Variants in TDRD9 observed in about 807,000 individuals in gnomAD.
TDRD9 encodes the protein tudor domain containing 9.
Under a neutral mutation model 172.6 loss-of-function variants are expected in TDRD9, and 124 were observed. The observed-to-expected ratio is 0.72, with a 90% confidence interval of 0.62 to 0.83. The LOEUF (loss-of-function observed/expected upper bound fraction) is 0.83, where lower values mean the gene tolerates loss of function less well. Among genes scored for constraint, TDRD9 ranks in the 40% least tolerant of loss-of-function variants. The pLI, the probability that TDRD9 is intolerant of heterozygous loss-of-function variation, is 0.00. For missense variants in TDRD9, 1,479 were observed against 1,714.1 expected (o/e 0.86, Z 2.42); for synonymous variants, 619 against 617.1 (o/e 1.00, Z -0.05).
intron 13 of TDRD9, among the ~76,000 whole-genome samples, chr14:104,000,470 C>CT (rs1440943100): frequency 1.3e-5 from 2 of 151,566 alleles, no homozygotes; most frequent in Non-Finnish European, 2.9e-5. Flanking sequence ...CTCAAACTTT[C>CT]TAAAAAACTA....
rs11850415 is a variant in TDRD9, at chr14:103,944,670, A to G, written c.216-10994A>G. Among the ~76,000 whole-genome samples, 493 of 148,586 alleles carry G rather than the reference A, an allele frequency of 3.3e-3. 2 individuals carry two copies. Among genetic ancestry groups the G allele is most frequent in the African/African-American group, 0.012 (464 of 40,188 alleles). ...AACCTCTGCCTCCTGAGTTCAAGTGATTCTTGTGCCTCAGCCTCCCTCGTA... is the reference window on the plus strand; with the variant it reads ...AACCTCTGCCTCCTGAGTTCAAGTGGTTCTTGTGCCTCAGCCTCCCTCGTA... On this transcript the variant is annotated intron_variant, in intron 1 of 35. Transcript: ENST00000409874.
chr14:104,036,703 A>G (rs976675549), intron 32 of TDRD9, among the ~76,000 whole-genome samples: 1 of 152,240 alleles, frequency 6.6e-6, no homozygotes, highest in Non-Finnish European at 1.5e-5. Context: ...TTGGTATTTA[A>G]AACACCATCT....
At chr14:103,941,456 T>G (rs1289704636) in intron 1 of TDRD9, 3 of 1,535,444 alleles carry the variant, frequency 2.0e-6, no homozygotes, top group Admixed American at 3.9e-5. Context: ...CTTCAAGTTG[T>G]CTTTGTTCAG....
At chr14:104,007,969 T>C (rs181577525) in intron 19 of TDRD9, among the ~76,000 whole-genome samples, 2 of 152,116 alleles carry the variant, frequency 1.3e-5, no homozygotes, top group African/African-American at 4.8e-5. Context: ...TTAGTAGAGA[T>C]GGGGTTTCAC....
At chr14:103,941,747 T>C in intron 1 of TDRD9, 1 of 1,310,562 alleles carries the variant, frequency 7.6e-7, no homozygotes, top group Non-Finnish European at 1.0e-6. Context: ...AATGTTATGT[T>C]CTTCTGAGCA....
intron 29 of TDRD9, among the ~76,000 whole-genome samples, 200 bp downstream of exon 29, chr14:104,031,463 G>A (rs1416150815): frequency 7.4e-6 from 1 of 134,914 alleles, no homozygotes; most frequent in Admixed American, 7.6e-5. Context: ...GAGAAGCTTT[G>A]ACTAGTTTTT....
At chr14:104,024,390 G>A (rs1019132147) in intron 24 of TDRD9, among the ~76,000 whole-genome samples, 179 bp from the exon 25 acceptor site, 2 of 152,092 alleles carry the variant, frequency 1.3e-5, no homozygotes, top group Non-Finnish European at 2.9e-5. Flanking sequence ...TCTTCAAAAA[G>A]CCAGCAGAAA....
rs1266748375 is a variant in TDRD9, at chr14:103,966,815, A to G, written c.749A>G (p.His250Arg). ...GCCAAGAGTTTGATGGAATTCACACATATCATCATTGATGAAGTAAGTGAT... is the reference window on the plus strand; with the variant it reads ...GCCAAGAGTTTGATGGAATTCACACGTATCATCATTGATGAAGTAAGTGAT... ...VSAKSLMEFT[H>R]IIIDEVHERT... Residue 250 changes from histidine (H) to arginine (R), a missense_variant, in exon 5 of 36, where the codon CAT becomes CGT. Around this residue, in one of 3 missense-constraint regions of TDRD9, gnomAD observed 1,413 missense variants for 1,649.1 expected, o/e 0.86. Transcript: ENST00000409874. 6.5e-7 allele frequency: 1 copy of G among 1,550,136 alleles called. No individual in the cohort carries two copies. Among genetic ancestry groups the G allele is most frequent in the Non-Finnish European group, 8.7e-7 (1 of 1,146,356 alleles).
Position 103,997,405 on chromosome 14 carries a change from T to C in TDRD9, c.1379-1219T>C, listed in dbSNP as rs2034095339. ...CACATTTGGTCGGCCTCTAGACATG[T>C]GGCCTGAGAGACTGGGAGGATGGAG... On this transcript the variant is annotated intron_variant, in intron 12 of 35. Coordinates refer to ENST00000409874, the MANE Select transcript of TDRD9 (RefSeq NM_153046.3). The surrounding 1 kb of genome is among the most constrained non-coding windows in gnomAD (Gnocchi z 5.1). Among the ~76,000 whole-genome samples the C allele has an allele frequency of 6.6e-6, 1 of 152,170 alleles. No individual in the cohort carries two copies. Among genetic ancestry groups the C allele is most frequent in the South Asian group, 2.1e-4 (1 of 4,826 alleles).
At chr14:103,987,259 G>A (rs185146817) in intron 8 of TDRD9, among the ~76,000 whole-genome samples, 168 of 152,184 alleles carry the variant, frequency 1.1e-3, no homozygotes, top group Middle Eastern at 3.4e-3. Flanking sequence ...TATACAGTAT[G>A]TATCCTTTTC....
chr14:104,027,063 C>A, intron 28 of TDRD9, 124 bp downstream of exon 28: 1 of 1,094,358 alleles, frequency 9.1e-7, no homozygotes, highest in Non-Finnish European at 1.3e-6. Context: ...ATTTGGTTTG[C>A]TGTACTTGTG....
intron 28 of TDRD9, among the ~76,000 whole-genome samples, chr14:104,030,679 T>G (rs2035253790): frequency 6.6e-6 from 1 of 152,238 alleles, no homozygotes; most frequent in African/African-American, 2.4e-5. Flanking sequence ...TTCCCTATAC[T>G]TTAATCAATG....
intron 19 of TDRD9, among the ~76,000 whole-genome samples, chr14:104,007,865 T>C (rs574233859): frequency 8.5e-5 from 13 of 152,114 alleles, no homozygotes; most frequent in East Asian, 7.7e-4. Context: ...GCAAGCTCTG[T>C]CTCCTGGGCT....
At chr14:104,024,726 C>T in intron 25 of TDRD9, 46 bp downstream of exon 25, 1 of 1,011,580 alleles carries the variant, frequency 9.9e-7, no homozygotes, top group Non-Finnish European at 1.5e-6. Flanking sequence ...AATCTAAAAT[C>T]ATCATGTTGT....
intron 1 of TDRD9, chr14:103,941,397 CT>C: frequency 6.5e-7 from 1 of 1,530,210 alleles, no homozygotes; most frequent in Non-Finnish European, 8.7e-7. Context: ...GTATTTTTAC[CT>C]GCTGAGAATA....
chr14:103,969,124 C>A (rs180981039), intron 5 of TDRD9, among the ~76,000 whole-genome samples: 3,158 of 148,984 alleles, frequency 0.021, 54 homozygotes, highest in Non-Finnish European at 0.031. Flanking sequence ...AAAAAAAAAC[C>A]CCCCAAAAAA....
intron 7 of TDRD9, 68 bp downstream of exon 7, chr14:103,975,621 C>G: frequency 2.1e-6 from 3 of 1,444,826 alleles, no homozygotes; most frequent in Admixed American, 2.4e-5. Flanking sequence ...CTGCATTCAT[C>G]ACCTATGATT....
chr14:104,035,665 C>T (rs2035429783), intron 32 of TDRD9, among the ~76,000 whole-genome samples: 1 of 152,148 alleles, frequency 6.6e-6, no homozygotes. Context: ...AAAGCACTAA[C>T]ATAGGTTTTA....
intron 20 of TDRD9, among the ~76,000 whole-genome samples, chr14:104,011,088 C>T (rs2034598790): frequency 6.6e-6 from 1 of 152,190 alleles, no homozygotes; most frequent in Non-Finnish European, 1.5e-5. Context: ...AATTTTCTAG[C>T]TCTGTGACGG....
Sources: gnomAD v4.1 joint callset for allele counts (sites outside exome capture counted in the v4.1 genomes callset) on GRCh38, gnomAD v4.1.1 for gene constraint, gnomAD v4.1.1 regional missense constraint, Gnocchi (gnomAD v3.1) non-coding constraint, MANE v1.5 for transcripts, NCBI Gene and HGNC (gene_info 2026-07-23, HGNC 2026-07-21) for gene names.